Variants in ANK3 observed in about 807,000 individuals in gnomAD.
ANK3 encodes ankyrin-3.
In ANK3, 57 loss-of-function variants were observed where a neutral mutation model predicts 370.9. The ratio of observed to expected loss-of-function variants is 0.15; its 90% confidence interval spans 0.12 to 0.19. The LOEUF is 0.19. ANK3 is among the 10% of genes least tolerant of loss of function. ANK3 has a pLI of 1.00. For synonymous variants in ANK3, 1,929 were observed against 1,946.3 expected (o/e 0.99, Z 0.23); for missense variants, 4,439 against 5,302.1 (o/e 0.84, Z 5.06).
chr10:60,639,759 C>A (rs568228001), intron 1 of ANK3, among the ~76,000 whole-genome samples: 2 of 151,870 alleles, frequency 1.3e-5, no homozygotes, highest in South Asian at 4.2e-4. Flanking sequence ...AAAACCGAAT[C>A]CTTAAAAATA....
In ANK3 at chr10:60,485,167, T is replaced by C. The variant is rs901437398; in HGVS notation, c.96+130019A>G. 2.6e-4 allele frequency among the ~76,000 whole-genome samples: 39 copies of C among 152,174 alleles called. 1 individual carries two copies. Among genetic ancestry groups the C allele is most frequent in the African/African-American group, 9.2e-4 (38 of 41,444 alleles). On this transcript the variant is annotated intron_variant, in intron 2 of 43. Transcript: ENST00000373827. ...CAACACTCGAGTCGGTTTCATCATC[T>C]GTACCATGACTGGATTCTATTACAT...
chr10:60,486,598 C>G (rs532429321), intron 2 of ANK3, among the ~76,000 whole-genome samples: 1 of 152,048 alleles, frequency 6.6e-6, no homozygotes, highest in Non-Finnish European at 1.5e-5. Flanking sequence ...AACAATGAAA[C>G]CTATGGTTAT....
At chr10:60,290,841 G>T (rs950043135) in intron 1 of ANK3, among the ~76,000 whole-genome samples, 1 of 152,092 alleles carries the variant, frequency 6.6e-6, no homozygotes, top group African/African-American at 2.4e-5. Context: ...TAAATAGAGG[G>T]GAGTGGGAAC....
intron 42 of ANK3, among the ~76,000 whole-genome samples, chr10:60,047,718 C>CAGTT (rs1185930085): frequency 1.3e-5 from 2 of 152,086 alleles, no homozygotes; most frequent in African/African-American, 4.8e-5. Flanking sequence ...AGTAAAAATT[C>CAGTT]AGTTATTTGA....
upstream of ANK3, among the ~76,000 whole-genome samples, chr10:60,393,302 G>T (rs1403975854): frequency 1.3e-5 from 2 of 152,166 alleles, no homozygotes; most frequent in South Asian, 2.1e-4. Flanking sequence ...AAGAGTCTCA[G>T]TGTTTTCCCT....
chr10:60,213,927 T>A (rs2096895074), intron 8 of ANK3, among the ~76,000 whole-genome samples: 1 of 152,176 alleles, frequency 6.6e-6, no homozygotes. Context: ...AATGTAATTT[T>A]ATGCTTGAAG....
intron 2 of ANK3, among the ~76,000 whole-genome samples, chr10:60,586,168 CA>C (rs1230277747): frequency 2.6e-5 from 4 of 151,648 alleles, no homozygotes; most frequent in Non-Finnish European, 4.4e-5. Context: ...GTATAGATTC[CA>C]AAGATGGTAC....
chr10:60,554,446 C>G (rs573010999), intron 2 of ANK3, among the ~76,000 whole-genome samples: 1 of 152,256 alleles, frequency 6.6e-6, no homozygotes, highest in East Asian at 1.9e-4. Flanking sequence ...CCTAGCCTTT[C>G]TTTGCTGTAG....
intron 35 of ANK3, 117 bp from the exon 36 acceptor site, chr10:60,080,735 T>C: frequency 1.1e-6 from 1 of 905,566 alleles, no homozygotes; most frequent in Non-Finnish European, 1.6e-6. Flanking sequence ...TCTTAGGAAA[T>C]GTTAATTTCC....
intron 9 of ANK3, among the ~76,000 whole-genome samples, chr10:60,208,987 G>C (rs371229210): frequency 1.3e-5 from 2 of 152,268 alleles, no homozygotes; most frequent in African/African-American, 4.8e-5. Flanking sequence ...CAGTAGGAGC[G>C]AGTTGAAAAT....
chr10:60,207,946 T>G lies in ANK3; in HGVS notation c.1194+90A>C. The G allele has an allele frequency of 2.6e-6, 3 of 1,156,452 alleles. No individual in the cohort carries two copies. In the South Asian group the frequency reaches 3.8e-5, roughly 15 times the overall value. The allele number at this position is 1,156,452 out of a possible 1,614,324, so 71.6% of individuals were successfully genotyped here. A position where few individuals can be genotyped will look rare whatever the true frequency, so the allele number is the denominator to read the frequency against. The stretch of plus-strand genomic sequence containing the variant: ...TACACTTTAACTAGCACCTTCTATT[T>G]TAACCTCCTCAAAGCATTCCCTTCA... On this transcript the variant is annotated intron_variant, in intron 10 of 43. Transcript: ENST00000280772.
chr10:60,030,093 C>T (rs1219667433), intron 43 of ANK3, among the ~76,000 whole-genome samples: 1 of 151,560 alleles, frequency 6.6e-6, no homozygotes, highest in Non-Finnish European at 1.5e-5. Context: ...TCCAGAGAGC[C>T]TTGCTTATTA....
At chr10:60,035,023 G>GA (rs35866956) in intron 43 of ANK3, among the ~76,000 whole-genome samples, 66 of 151,612 alleles carry the variant, frequency 4.4e-4, no homozygotes, top group African/African-American at 1.3e-3. Flanking sequence ...CAAAGGGCTG[G>GA]AAAAAAATAC....
chr10:60,507,696 A>T (rs1342093346), intron 2 of ANK3: 1 of 152,094 alleles, frequency 6.6e-6, no homozygotes, highest in East Asian at 1.9e-4. Flanking sequence ...CTAGTAAATT[A>T]GACTTCAAAT....
At chr10:60,387,976 C>G (rs1370492314) in intron 1 of ANK3, among the ~76,000 whole-genome samples, 2 of 152,200 alleles carry the variant, frequency 1.3e-5, no homozygotes, top group African/African-American at 4.8e-5. Context: ...TTCTTAGAAG[C>G]TAGTTTATCA....
chr10:60,524,455 C>T (rs934935424), intron 2 of ANK3, among the ~76,000 whole-genome samples: 8 of 151,986 alleles, frequency 5.3e-5, no homozygotes, highest in Non-Finnish European at 8.8e-5. Context: ...CTGGTCTTTC[C>T]CATGCTCTTC....
intron 25 of ANK3, among the ~76,000 whole-genome samples, chr10:60,131,802 G>A (rs961113463): frequency 6.6e-6 from 1 of 152,210 alleles, no homozygotes; most frequent in Non-Finnish European, 1.5e-5. Context: ...GGAGGTGACA[G>A]TGATGATGGT....
rs1256018752 is a variant in ANK3, at chr10:60,698,168, C to T, written c.57+35095G>A. Among the ~76,000 whole-genome samples the T allele has an allele frequency of 3.3e-5, 5 of 151,580 alleles. No individual in the cohort carries two copies. The East Asian group carries it at 5.8e-4, about 18-fold the overall frequency. On this transcript the variant is annotated intron_variant, in intron 1 of 43. Coordinates refer to the ANK3 transcript ENST00000373827. ...ATGAAAAAATGCTCACCATCAGTGG[C>T]CATCAGAGAAATGCAAATCAAAACC...
At position 60,380,595 on chromosome 10, in the gene ANK3, G is replaced by C. The variant is rs184870380; in HGVS notation, c.114+8830C>G. On this transcript the variant is annotated intron_variant, in intron 1 of 43. Coordinates refer to ENST00000280772, the MANE Select transcript of ANK3 (RefSeq NM_020987.5). Reference sequence around the variant, plus strand: ...AATGATCTACGTCATGCATGTGGTAGAATGCCTGGCCCACTGTAGTCCCTC... The same window carrying C: ...AATGATCTACGTCATGCATGTGGTACAATGCCTGGCCCACTGTAGTCCCTC... 3.1e-4 allele frequency among the ~76,000 whole-genome samples: 47 copies of C among 152,284 alleles called. 1 individual carries two copies. Among genetic ancestry groups the C allele is most frequent in the African/African-American group, 9.4e-4 (39 of 41,564 alleles).
Sources: gnomAD v4.1 joint callset for allele counts (sites outside exome capture counted in the v4.1 genomes callset) on GRCh38, gnomAD v4.1.1 for gene constraint, MANE v1.5 for transcripts, NCBI Gene and HGNC (gene_info 2026-07-23, HGNC 2026-07-21) for gene names.